Variants in PLXNC1 observed in about 807,000 individuals in gnomAD.
The protein encoded by PLXNC1 is plexin C1.
Under a neutral mutation model 178.2 loss-of-function variants are expected in PLXNC1, and 75 were observed. The ratio of observed to expected loss-of-function variants is 0.42; its 90% CI spans 0.35 to 0.51. The LOEUF is 0.51. Ranked by LOEUF, PLXNC1 falls within the 20% of genes least tolerant of loss-of-function variation. The pLI, the probability that PLXNC1 is intolerant of heterozygous loss-of-function variation, is 0.02. For missense variants in PLXNC1, 1,503 were observed against 1,984.4 expected, an observed-to-expected ratio of 0.76 and a Z score of 4.61; for synonymous variants, 790 against 779.9, an observed-to-expected ratio of 1.01 and a Z score of -0.22.
chr12:94,229,011 A>C (rs1334869651), intron 9 of PLXNC1, among the ~76,000 whole-genome samples: 1 of 152,218 alleles, frequency 6.6e-6, no homozygotes, highest in African/African-American at 2.4e-5. Flanking sequence ...ACCATTTTGC[A>C]TTCCCACCAA....
intron 14 of PLXNC1, among the ~76,000 whole-genome samples, chr12:94,251,088 GGCA>G (rs1964672046): frequency 2.5e-5 from 1 of 39,476 alleles, no homozygotes; most frequent in Admixed American, 4.5e-4. Context: ...TAGAATAAAG[GGCA>G]GGCAGGGGCT....
chr12:94,217,682 C>T (rs1446289210), intron 5 of PLXNC1, among the ~76,000 whole-genome samples: 4 of 152,208 alleles, frequency 2.6e-5, no homozygotes, highest in African/African-American at 4.8e-5. Context: ...CCCCATGCCA[C>T]TTCTAAGGGG....
intron 10 of PLXNC1, 65 bp from the exon 11 acceptor site, chr12:94,240,410 TTTGCTGTCAC>T: frequency 8.9e-7 from 1 of 1,122,532 alleles, no homozygotes; most frequent in Non-Finnish European, 1.3e-6. Flanking sequence ...GTGAAATTCA[TTTGCTGTCAC>T]CTTGGGTAAT....
Position 94,197,245 on chromosome 12 carries a change from G to A in PLXNC1, c.1439+10772G>A, listed in dbSNP as rs139195078. Among the ~76,000 whole-genome samples, 23 of 152,244 alleles carry A rather than the reference G, an allele frequency of 1.5e-4. No individual in the cohort carries two copies. The East Asian group carries it at 4.1e-3, about 27-fold the overall frequency. On this transcript the variant is annotated intron_variant, in intron 4 of 30. Transcript: ENST00000258526. ...CTATGGTTTGAATGTATCCCCCAAA[G>A]TTCATGTATTGGACACTTAATCCCC...
At chr12:94,263,367 A>G (rs2136084868) in intron 20 of PLXNC1, among the ~76,000 whole-genome samples, 1 of 152,346 alleles carries the variant, frequency 6.6e-6, no homozygotes, top group Middle Eastern at 3.4e-3. Flanking sequence ...ACCCAGGAGC[A>G]TGGGCAGAGT....
In PLXNC1 at chr12:94,260,531, C is replaced by A; in HGVS notation, c.3252-111C>A. The A allele has an allele frequency of 1.6e-6, 1 of 634,982 alleles. No individual in the cohort carries two copies. The highest frequency in any genetic ancestry group is 2.6e-6 in the Non-Finnish European group (1 of 377,606). The allele number at this position is 634,982 out of a possible 1,614,324, so 39.3% of individuals were successfully genotyped here. On this transcript the variant is annotated intron_variant, in intron 19 of 30. Transcript: ENST00000258526. The surrounding 1 kb of genome is among the most constrained non-coding windows in gnomAD (Gnocchi z 4.4). ...CATTAAAAAAAAAAAAAAAAAAGCT[C>A]CCAACCCAACAGGCCAGCTCCCTGC... is the stretch of plus-strand genomic sequence containing the variant.
intron 15 of PLXNC1, 115 bp from the exon 16 acceptor site, chr12:94,254,672 T>C: frequency 1.4e-6 from 1 of 722,036 alleles, no homozygotes; most frequent in Non-Finnish European, 2.4e-6. Flanking sequence ...CTGCTCTCTG[T>C]CCCTATCTGT....
At chr12:94,201,582 T>C (rs1416186991) in intron 4 of PLXNC1, among the ~76,000 whole-genome samples, 1 of 152,120 alleles carries the variant, frequency 6.6e-6, no homozygotes. Context: ...GCACATGTCT[T>C]GCTTGAGGTC....
chr12:94,262,377 C>T (rs1965014737), intron 20 of PLXNC1: 2 of 547,700 alleles, frequency 3.7e-6, no homozygotes, highest in Admixed American at 1.3e-4. Context: ...AAATCCCTTT[C>T]CAGCTCTTTC....
chr12:94,210,271 A>G (rs1199186495), intron 5 of PLXNC1, among the ~76,000 whole-genome samples: 1 of 152,146 alleles, frequency 6.6e-6, no homozygotes, highest in African/African-American at 2.4e-5. Flanking sequence ...TGGCAGCACC[A>G]CTCTTGACAA....
At chr12:94,228,813 G>A (rs1269968113) in intron 9 of PLXNC1, among the ~76,000 whole-genome samples, 3 of 152,110 alleles carry the variant, frequency 2.0e-5, no homozygotes, top group Non-Finnish European at 4.4e-5. Flanking sequence ...ATGGATTAAC[G>A]CTTGGGTCGC....
At chr12:94,265,723 C>T (rs965772476) in intron 21 of PLXNC1, among the ~76,000 whole-genome samples, 28 of 152,342 alleles carry the variant, frequency 1.8e-4, no homozygotes, top group Admixed American at 1.4e-3. Flanking sequence ...TGGTGTCATG[C>T]ACTTAATGTA....
chr12:94,249,232 T>C (rs1418710672), intron 14 of PLXNC1, among the ~76,000 whole-genome samples: 1 of 152,136 alleles, frequency 6.6e-6, no homozygotes, highest in Non-Finnish European at 1.5e-5. Context: ...GGGTTAATAA[T>C]AAGTTTTATT....
At chr12:94,275,854 C>CAAAAAAAAAA (rs34551603) in intron 21 of PLXNC1, among the ~76,000 whole-genome samples, 8 of 23,102 alleles carry the variant, frequency 3.5e-4, no homozygotes, top group Non-Finnish European at 4.5e-4. Context: ...GACTCCGTCT[C>CAAAAAAAAAA]AAAAAAAAAA....
At chr12:94,152,405 T>A (rs539239860) in intron 1 of PLXNC1, among the ~76,000 whole-genome samples, 1 of 152,360 alleles carries the variant, frequency 6.6e-6, no homozygotes, top group African/African-American at 2.4e-5. Flanking sequence ...TGGGTGCCAC[T>A]GATTTTGCCA....
At chr12:94,199,948 C>T (rs1458163449) in intron 4 of PLXNC1, among the ~76,000 whole-genome samples, 1 of 152,214 alleles carries the variant, frequency 6.6e-6, no homozygotes, top group Non-Finnish European at 1.5e-5. Context: ...GCGCGTGCCA[C>T]CATGCTCGCC....
chr12:94,285,953 G>C (rs959647770), intron 23 of PLXNC1, among the ~76,000 whole-genome samples: 1 of 152,158 alleles, frequency 6.6e-6, no homozygotes, highest in African/African-American at 2.4e-5. Flanking sequence ...CAGGGGATGG[G>C]GCTACCCACT....
chr12:94,239,886 T>C (rs1190344584), intron 10 of PLXNC1, among the ~76,000 whole-genome samples: 1 of 152,242 alleles, frequency 6.6e-6, no homozygotes, highest in Admixed American at 6.5e-5. Context: ...TGCTGTGTTT[T>C]ACCCTCTCAG....
chr12:94,173,853 C>G (rs1961945145), intron 2 of PLXNC1, among the ~76,000 whole-genome samples: 1 of 152,166 alleles, frequency 6.6e-6, no homozygotes, highest in Non-Finnish European at 1.5e-5. Flanking sequence ...TTCCTGGCAA[C>G]CCAGCTGAGT....
Sources: allele counts gnomAD v4.1 joint callset (sites outside exome capture counted in the v4.1 genomes callset), GRCh38; gene constraint gnomAD v4.1.1; non-coding constraint Gnocchi (gnomAD v3.1); transcripts MANE v1.5; gene names NCBI Gene and HGNC (gene_info 2026-07-23, HGNC 2026-07-21).